Variants in SDHB observed in about 807,000 individuals in gnomAD.
The protein encoded by SDHB is succinate dehydrogenase [ubiquinone] iron-sulfur subunit, mitochondrial.
A neutral mutation model predicts 39.7 loss-of-function variants in SDHB; 21 were observed. That is an observed-to-expected ratio of 0.53 (90% confidence interval 0.37 to 0.76). SDHB has a LOEUF of 0.76. SDHB is among the 30% of genes least tolerant of loss of function. The pLI, the probability that SDHB is intolerant of heterozygous loss-of-function variation, is 0.00. For missense variants in SDHB, 343 were observed against 350.9 expected, an observed-to-expected ratio of 0.98 and a Z score of 0.18; for synonymous variants, 118 against 117.0, an observed-to-expected ratio of 1.01 and a Z score of -0.06.
At chr1:17,049,219 G>A (rs1326225508) in intron 1 of SDHB, among the ~76,000 whole-genome samples, 1 of 152,158 alleles carries the variant, frequency 6.6e-6, no homozygotes, top group East Asian at 1.9e-4. Context: ...TGGAATTTCT[G>A]GGCTTAAGCA....
At position 17,029,091 on chromosome 1, in the gene SDHB, C is replaced by CTTTTT. The variant is rs1467687958; in HGVS notation, c.287-356_287-355insAAAAA. Among the ~76,000 whole-genome samples, 6 of 74,800 alleles carry CTTTTT rather than the reference C, an allele frequency of 8.0e-5. No individual in the cohort carries two copies. The East Asian group carries it at 2.9e-3, about 36-fold the overall frequency. 49.1% of individuals were successfully genotyped at this position (74,800 alleles called of 152,430 possible). A position where few individuals can be genotyped will look rare whatever the true frequency, so the allele number is the denominator to read the frequency against. On this transcript the variant is annotated intron_variant, in intron 3 of 7. Transcript: ENST00000375499. ...TCACGTGTTTTGAAGAAAAATCAGCCTGTTTTTTTTTTTTTTTTTTTTTTT... is the reference window on the plus strand; with the variant it reads ...TCACGTGTTTTGAAGAAAAATCAGCCTTTTTTGTTTTTTTTTTTTTTTTTTTTTTT...
intron 5 of SDHB, chr1:17,027,512 C>A (rs1464500038): frequency 1.9e-6 from 1 of 524,932 alleles, no homozygotes; most frequent in South Asian, 2.0e-5. Context: ...CACACAGCAA[C>A]CACCCGCCCC....
intron 3 of SDHB, chr1:17,032,831 G>A: frequency 1.7e-6 from 1 of 581,248 alleles, no homozygotes; most frequent in Non-Finnish European, 3.1e-6. Context: ...GCCAGATGCA[G>A]TAACCACAGG....
chr1:17,021,178 C>A (rs1237957174), intron 7 of SDHB, among the ~76,000 whole-genome samples: 1 of 152,210 alleles, frequency 6.6e-6, no homozygotes, highest in Non-Finnish European at 1.5e-5. Flanking sequence ...AACCTAATCC[C>A]CAATGCAACA....
chr1:17,034,090 A>G (rs2078036919), intron 2 of SDHB, among the ~76,000 whole-genome samples: 1 of 152,146 alleles, frequency 6.6e-6, no homozygotes, highest in Non-Finnish European at 1.5e-5. Flanking sequence ...TTTTCTATGC[A>G]TGAGATTAAA....
At chr1:17,037,534 G>A (rs1442810141) in intron 2 of SDHB, among the ~76,000 whole-genome samples, 3 of 151,736 alleles carry the variant, frequency 2.0e-5, no homozygotes, top group African/African-American at 7.3e-5. Flanking sequence ...TTGGCTCACT[G>A]CAACCTCTGC....
chr1:17,029,193 A>G (rs2078009855), intron 3 of SDHB, among the ~76,000 whole-genome samples: 1 of 142,452 alleles, frequency 7.0e-6, no homozygotes, highest in South Asian at 2.3e-4. Flanking sequence ...GCAGTCCTCA[A>G]TGCCTGAGCT....
rs530127669 is a variant in SDHB at position 17,026,469 on chromosome 1, A to G, written c.540+1280T>C. On this transcript the variant is annotated intron_variant, in intron 5 of 7. Coordinates refer to ENST00000375499, the MANE Select transcript of SDHB (RefSeq NM_003000.3). ...AACCTCCACCTCCCGGGTTCAAGAG[A>G]TTCTCCTGCCTTGGCCTCCTGAGTA... 9.2e-5 allele frequency among the ~76,000 whole-genome samples: 14 copies of G among 152,272 alleles called. No individual in the cohort carries two copies. The South Asian group carries it at 2.7e-3, about 29-fold the overall frequency.
At chr1:17,026,788 A>G (rs1360557264) in intron 5 of SDHB, among the ~76,000 whole-genome samples, 2 of 152,064 alleles carry the variant, frequency 1.3e-5, no homozygotes, top group Non-Finnish European at 2.9e-5. Context: ...ACATATATGT[A>G]TATGTTTTAG....
At chr1:17,032,532 A>G (rs1309523637) in intron 3 of SDHB, 1 of 166,206 alleles carries the variant, frequency 6.0e-6, no homozygotes, top group Non-Finnish European at 1.3e-5. Flanking sequence ...ATTGCTATTC[A>G]TGTAGAAAAT....
chr1:17,023,906 A>T, intron 6 of SDHB, 67 bp downstream of exon 6: 1 of 1,220,224 alleles, frequency 8.2e-7, no homozygotes, highest in Non-Finnish European at 1.2e-6. Flanking sequence ...ACAGCAATCT[A>T]TTGTCCTCTT....
chr1:17,023,876 C>A (rs2077976637), intron 6 of SDHB, 97 bp downstream of exon 6: 2 of 863,444 alleles, frequency 2.3e-6, no homozygotes, highest in East Asian at 4.9e-5. Flanking sequence ...GGAAACCAGG[C>A]CCCTCAGAAT....
chr1:17,044,752 G>C lies in SDHB; in HGVS notation c.200+9C>G. On this transcript the variant is annotated intron_variant, in intron 2 of 7. Transcript: ENST00000375499. ...TCCTTCAATAGCTGGCTTTCACAGA[G>C]ATACTCACTTATTAAGGTCAACTTC... 1 of 1,613,838 alleles carries C rather than the reference G, an allele frequency of 6.2e-7. No homozygotes were observed. Among genetic ancestry groups the C allele is most frequent in the East Asian group, 2.2e-5 (1 of 44,888 alleles).
At chr1:17,039,415 CAAAAAAAAA>C (rs34561776) in intron 2 of SDHB, among the ~76,000 whole-genome samples, 2 of 86,400 alleles carry the variant, frequency 2.3e-5, no homozygotes, top group African/African-American at 9.8e-5. Flanking sequence ...CCTGTCTCTA[CAAAAAAAAA>C]AAAAAAAAAA....
At chr1:17,024,551 G>A (rs937400489) in intron 5 of SDHB, among the ~76,000 whole-genome samples, 3 of 152,188 alleles carry the variant, frequency 2.0e-5, no homozygotes, top group African/African-American at 4.8e-5. Flanking sequence ...AATCCTGACG[G>A]AGGCCCTGCG....
At chr1:17,052,911 T>TA (rs2078156591) in intron 1 of SDHB, among the ~76,000 whole-genome samples, 1 of 152,152 alleles carries the variant, frequency 6.6e-6, no homozygotes, top group South Asian at 2.1e-4. Context: ...GGTACCATGT[T>TA]AAAAAACTGC....
intron 6 of SDHB, 71 bp downstream of exon 6, chr1:17,023,902 A>G: frequency 8.5e-7 from 1 of 1,173,084 alleles, no homozygotes; most frequent in Non-Finnish European, 1.3e-6. Flanking sequence ...GCTTACAGCA[A>G]TCTATTGTCC....
At chr1:17,037,326 C>T (rs963392362) in intron 2 of SDHB, among the ~76,000 whole-genome samples, 1 of 150,204 alleles carries the variant, frequency 6.7e-6, no homozygotes, top group Non-Finnish European at 1.5e-5. Flanking sequence ...TTTGAGACAG[C>T]GTCTCCCTCT....
chr1:17,053,853 G>C, intron 1 of SDHB, 95 bp downstream of exon 1: 1 of 900,770 alleles, frequency 1.1e-6, no homozygotes, highest in African/African-American at 1.6e-5. Context: ...CTGAGGCCTT[G>C]CCCTATGCTT....
Sources: gnomAD v4.1 joint callset for allele counts (sites outside exome capture counted in the v4.1 genomes callset) on GRCh38, gnomAD v4.1.1 for gene constraint, MANE v1.5 for transcripts, NCBI Gene and HGNC (gene_info 2026-07-23, HGNC 2026-07-21) for gene names.